TBX15: variants seen among roughly 807,000 people sequenced by gnomAD.
The protein encoded by TBX15 is T-box transcription factor TBX15.
Under a neutral mutation model 53.9 loss-of-function variants are expected in TBX15, and 18 were observed. That is an observed-to-expected ratio of 0.33 (90% CI 0.23 to 0.49). TBX15 has a LOEUF of 0.49. Ranked by LOEUF, TBX15 falls within the 20% of genes least tolerant of loss-of-function variation. TBX15 has a pLI of 0.98. For missense variants in TBX15, 692 were observed against 749.5 expected (o/e 0.92, Z 0.90); for synonymous variants, 295 against 278.0 (o/e 1.06, Z -0.61).
chr1:118,967,245 C>T (rs1001561445), intron 1 of TBX15, among the ~76,000 whole-genome samples: 10 of 152,128 alleles, frequency 6.6e-5, no homozygotes, highest in African/African-American at 1.2e-4. Flanking sequence ...TTGACCTTCA[C>T]GTGCAGATTC....
chr1:118,937,779 C>G (rs1207805410), intron 1 of TBX15, among the ~76,000 whole-genome samples: 3 of 152,166 alleles, frequency 2.0e-5, no homozygotes, highest in African/African-American at 7.2e-5. Flanking sequence ...GGTACACAAC[C>G]ACATTGAATG....
At chr1:118,934,440 C>T (rs1305197074) in intron 1 of TBX15, among the ~76,000 whole-genome samples, 1 of 152,142 alleles carries the variant, frequency 6.6e-6, no homozygotes, top group Non-Finnish European at 1.5e-5. Context: ...CAATAAGCAC[C>T]TATCAGCATA....
At chr1:118,926,833 G>A (rs1274252881) in intron 2 of TBX15, among the ~76,000 whole-genome samples, 3 of 152,044 alleles carry the variant, frequency 2.0e-5, no homozygotes, top group Non-Finnish European at 2.9e-5. Flanking sequence ...AGCCTCCCGA[G>A]TAGCTGGGAC....
intron 4 of TBX15, 147 bp from the exon 5 acceptor site, chr1:118,923,750 T>G: frequency 3.1e-5 from 28 of 916,362 alleles, no homozygotes; most frequent in Non-Finnish European, 4.5e-5. Context: ...TCAGTATACT[T>G]GCCCAGGAAG....
chr1:118,985,347 C>T (rs553959478), intron 1 of TBX15, among the ~76,000 whole-genome samples: 2 of 152,206 alleles, frequency 1.3e-5, no homozygotes, highest in African/African-American at 2.4e-5. Context: ...CGTTAGGGTG[C>T]TGTATTACAG....
At chr1:118,907,903 C>T (rs1056051777) in intron 6 of TBX15, among the ~76,000 whole-genome samples, 1 of 152,124 alleles carries the variant, frequency 6.6e-6, no homozygotes, top group South Asian at 2.1e-4. Flanking sequence ...GTATCTTTCT[C>T]CAGGGAGCCA....
chr1:118,960,058 A>G (rs1260280950), intron 1 of TBX15, among the ~76,000 whole-genome samples: 2 of 150,616 alleles, frequency 1.3e-5, no homozygotes, highest in Non-Finnish European at 1.5e-5. Flanking sequence ...CAAAACTTGA[A>G]GAGAAAGAGA....
At chr1:118,912,632 G>C (rs1222789411) in intron 6 of TBX15, among the ~76,000 whole-genome samples, 4 of 152,118 alleles carry the variant, frequency 2.6e-5, no homozygotes, top group African/African-American at 9.7e-5. Flanking sequence ...TGGAAAAAAA[G>C]GCAATAGGAA....
At chr1:118,919,113 A>G (rs1655340147) in intron 5 of TBX15, among the ~76,000 whole-genome samples, 2 of 152,222 alleles carry the variant, frequency 1.3e-5, no homozygotes, top group Non-Finnish European at 2.9e-5. Flanking sequence ...TATCTGGTTC[A>G]TGTAGCCAAT....
At chr1:118,958,279 T>C (rs565368451) in intron 1 of TBX15, among the ~76,000 whole-genome samples, 3 of 152,316 alleles carry the variant, frequency 2.0e-5, no homozygotes, top group Admixed American at 2.0e-4. Flanking sequence ...GATGGCCATC[T>C]GTAAATCAGG....
chr1:118,891,515 C>T (rs1447557532), intron 7 of TBX15, among the ~76,000 whole-genome samples: 1 of 152,194 alleles, frequency 6.6e-6, no homozygotes, highest in Non-Finnish European at 1.5e-5. Context: ...CTCTCACTGC[C>T]TTAGCCCTAC....
intron 6 of TBX15, among the ~76,000 whole-genome samples, chr1:118,905,168 TG>T (rs1325496923): frequency 6.6e-6 from 1 of 152,236 alleles, no homozygotes; most frequent in Non-Finnish European, 1.5e-5. Context: ...CCTCTGGCTC[TG>T]GATTAAATGT....
chr1:118,908,920 TCACA>T (rs113048062), intron 6 of TBX15, among the ~76,000 whole-genome samples: 215 of 149,354 alleles, frequency 1.4e-3, no homozygotes, highest in African/African-American at 3.9e-3. Flanking sequence ...CACTCAACAT[TCACA>T]CACACACACA....
intron 1 of TBX15, among the ~76,000 whole-genome samples, chr1:118,979,119 C>T (rs1438255076): frequency 6.6e-6 from 1 of 152,224 alleles, no homozygotes; most frequent in African/African-American, 2.4e-5. Context: ...AAGCCATTCC[C>T]GCCGGGTTCT....
At chr1:118,903,226 G>A (rs1654695067) in intron 6 of TBX15, among the ~76,000 whole-genome samples, 1 of 152,120 alleles carries the variant, frequency 6.6e-6, no homozygotes, top group South Asian at 2.1e-4. Flanking sequence ...CCAACAGAAT[G>A]TGCTGAAGAG....
chr1:118,964,008 C>T (rs1397815242), intron 1 of TBX15, among the ~76,000 whole-genome samples: 2 of 152,164 alleles, frequency 1.3e-5, no homozygotes, highest in Admixed American at 6.5e-5. Context: ...ACATACATCC[C>T]ATATTAGGTC....
At chr1:118,893,180 A>T (rs1284536007) in intron 7 of TBX15, among the ~76,000 whole-genome samples, 3 of 151,460 alleles carry the variant, frequency 2.0e-5, no homozygotes, top group African/African-American at 7.3e-5. Flanking sequence ...CAGAGGTTAC[A>T]GTGAGCCGAG....
At chr1:118,941,316 G>A (rs765487613) in intron 1 of TBX15, among the ~76,000 whole-genome samples, 10 of 152,276 alleles carry the variant, frequency 6.6e-5, no homozygotes, top group Middle Eastern at 3.4e-3. Context: ...TCATGATGAC[G>A]CACTAAAGGG....
intron 1 of TBX15, among the ~76,000 whole-genome samples, chr1:118,982,390 C>T (rs974549432): frequency 9.9e-5 from 15 of 152,242 alleles, no homozygotes; most frequent in Admixed American, 3.3e-4. Context: ...TGTGATGGAC[C>T]GGAAATATTT....
Sources: gnomAD v4.1 joint callset for allele counts (sites outside exome capture counted in the v4.1 genomes callset) on GRCh38, gnomAD v4.1.1 for gene constraint, MANE v1.5 for transcripts, NCBI Gene and HGNC (gene_info 2026-07-23, HGNC 2026-07-21) for gene names.